SYBU: variants seen among roughly 807,000 people sequenced by gnomAD.
The protein encoded by SYBU is syntabulin, also known as GOLSYN A protein.
In SYBU, 21 loss-of-function variants were observed where a neutral mutation model predicts 35.9. The ratio of observed to expected loss-of-function variants is 0.58; its 90% CI spans 0.41 to 0.84. SYBU has a LOEUF of 0.84. SYBU is among the 40% of genes least tolerant of loss of function. The probability of loss-of-function intolerance (pLI) is 0.00; values close to 1 mark genes in which losing one functional copy is unlikely to be tolerated. For synonymous variants in SYBU, 319 were observed against 324.3 expected, an observed-to-expected ratio of 0.98 and a Z score of 0.18; for missense variants, 768 against 848.2, an observed-to-expected ratio of 0.91 and a Z score of 1.17.
At chr8:109,604,772 A>G (rs1422995026) in intron 3 of SYBU, among the ~76,000 whole-genome samples, 2 of 152,124 alleles carry the variant, frequency 1.3e-5, no homozygotes, top group South Asian at 2.1e-4. Flanking sequence ...TGGGTCTTTC[A>G]CTTCTTCCTC....
chr8:109,654,455 C>T (rs948103235), intron 1 of SYBU, among the ~76,000 whole-genome samples: 5 of 152,194 alleles, frequency 3.3e-5, no homozygotes, highest in African/African-American at 1.2e-4. Flanking sequence ...TCCTGATCTT[C>T]CCCTACTTCT....
intron 2 of SYBU, among the ~76,000 whole-genome samples, chr8:109,619,909 A>T (rs992861943): frequency 2.6e-5 from 4 of 152,244 alleles, no homozygotes; most frequent in African/African-American, 7.2e-5. Flanking sequence ...TATCTGGAGT[A>T]AACTGGTAAG....
intron 3 of SYBU, among the ~76,000 whole-genome samples, chr8:109,613,063 T>A (rs1811369474): frequency 6.6e-6 from 1 of 151,924 alleles, no homozygotes; most frequent in South Asian, 2.1e-4. Context: ...GTGGTCTCTG[T>A]CTGCTCACTT....
chr8:109,606,816 T>C (rs1011351984), intron 3 of SYBU, among the ~76,000 whole-genome samples: 19 of 152,178 alleles, frequency 1.2e-4, no homozygotes, highest in African/African-American at 4.6e-4. Flanking sequence ...TGACTAACCG[T>C]TGGAAAAGAT....
At chr8:109,655,322 C>T (rs537580025) in intron 1 of SYBU, among the ~76,000 whole-genome samples, 20 of 152,254 alleles carry the variant, frequency 1.3e-4, no homozygotes, top group Middle Eastern at 3.4e-3. Flanking sequence ...TGATTTTCGG[C>T]TTCGAAAATA....
At chr8:109,615,643 A>G (rs1202719291) in intron 3 of SYBU, among the ~76,000 whole-genome samples, 1 of 152,208 alleles carries the variant, frequency 6.6e-6, no homozygotes, top group African/African-American at 2.4e-5. Flanking sequence ...TTGGTTAAAT[A>G]TGAATAAATA....
intron 1 of SYBU, among the ~76,000 whole-genome samples, chr8:109,677,667 A>G (rs1414266758): frequency 1.3e-5 from 2 of 152,218 alleles, no homozygotes; most frequent in Non-Finnish European, 2.9e-5. Flanking sequence ...GACTTTTATC[A>G]TGCATTATAT....
At chr8:109,677,070 GA>G (rs1408877882) in intron 1 of SYBU, among the ~76,000 whole-genome samples, 8 of 151,426 alleles carry the variant, frequency 5.3e-5, no homozygotes, top group Middle Eastern at 3.4e-3. Context: ...GAAGATATAG[GA>G]AAAAAAGAGC....
At chr8:109,578,086 A>T in intron 5 of SYBU, 69 bp from the exon 6 acceptor site, 2 of 1,487,436 alleles carry the variant, frequency 1.3e-6, no homozygotes, top group Non-Finnish European at 1.8e-6. Context: ...AGAGTAACAC[A>T]GAGTGTTATC....
chr8:109,648,499 C>T (rs145306248), upstream of SYBU, among the ~76,000 whole-genome samples: 796 of 151,934 alleles, frequency 5.2e-3, 5 homozygotes, highest in African/African-American at 0.017. Flanking sequence ...ACAAAAATCC[C>T]GTGAGGTACA....
At position 109,679,874 on chromosome 8, in the gene SYBU, A is replaced by G. The variant is rs28676967; in HGVS notation, c.-129+837T>C. 5.4e-3 allele frequency among the ~76,000 whole-genome samples: 827 copies of G among 152,350 alleles called. 7 individuals carry two copies. Among genetic ancestry groups the G allele is most frequent in the African/African-American group, 0.018 (749 of 41,586 alleles). ...GCCAAATGGTATTGGAGCCAATAAG[A>G]AAAATAGCTGTATTTAAATCCAGTT... On this transcript the variant is annotated intron_variant, in intron 1 of 5. Transcript: ENST00000408889.
intron 1 of SYBU, among the ~76,000 whole-genome samples, chr8:109,660,511 G>A (rs917200056): frequency 6.6e-6 from 1 of 152,078 alleles, no homozygotes; most frequent in African/African-American, 2.4e-5. Flanking sequence ...CAAGTATAGT[G>A]TAGCTAGCCT....
At chr8:109,603,168 G>A (rs1392008865) in intron 3 of SYBU, among the ~76,000 whole-genome samples, 1 of 152,212 alleles carries the variant, frequency 6.6e-6, no homozygotes, top group African/African-American at 2.4e-5. Context: ...GCCGACAAGA[G>A]GCAAAGAGCT....
At chr8:109,599,837 G>C (rs1825316337) in intron 3 of SYBU, among the ~76,000 whole-genome samples, 1 of 152,170 alleles carries the variant, frequency 6.6e-6, no homozygotes, top group African/African-American at 2.4e-5. Flanking sequence ...TCTTCAGACT[G>C]TCATACCATA....
At chr8:109,615,208 G>C (rs1405163883) in intron 3 of SYBU, among the ~76,000 whole-genome samples, 1 of 152,076 alleles carries the variant, frequency 6.6e-6, no homozygotes, top group Non-Finnish European at 1.5e-5. Flanking sequence ...CTAATTGCTT[G>C]CTATTTTAAT....
chr8:109,662,662 G>C (rs1020448701), intron 1 of SYBU, among the ~76,000 whole-genome samples: 3 of 152,082 alleles, frequency 2.0e-5, no homozygotes, highest in African/African-American at 4.8e-5. Context: ...AATTTTCATG[G>C]GTTCTGTAGT....
At chr8:109,646,919 G>A (rs1051501633), upstream of SYBU, 2 of 152,140 alleles carry the variant, frequency 1.3e-5, no homozygotes, top group African/African-American at 4.8e-5. Context: ...TCTTCGTGTA[G>A]AGTGTAAACC....
At chr8:109,578,680 C>T (rs766543171) in intron 5 of SYBU, among the ~76,000 whole-genome samples, 8 of 152,258 alleles carry the variant, frequency 5.3e-5, no homozygotes, top group Admixed American at 2.6e-4. Context: ...CACCATTGTC[C>T]AGGTGCCTGA....
intron 1 of SYBU, among the ~76,000 whole-genome samples, chr8:109,653,689 A>G (rs1816242832): frequency 6.6e-6 from 1 of 151,898 alleles, no homozygotes. Context: ...CCATACTTCA[A>G]ATCTACCAGC....
Sources: gnomAD v4.1 joint callset for allele counts (sites outside exome capture counted in the v4.1 genomes callset) on GRCh38, gnomAD v4.1.1 for gene constraint, MANE v1.5 for transcripts, NCBI Gene and HGNC (gene_info 2026-07-23, HGNC 2026-07-21) for gene names.